CALN1: variants seen among roughly 807,000 people sequenced by gnomAD.
The protein encoded by CALN1 is calneuron 1, also known as calcium-binding protein 8.
In CALN1, 17 loss-of-function variants were observed where a neutral mutation model predicts 30.6. That is an observed-to-expected ratio of 0.56 (90% CI 0.38 to 0.83). The LOEUF (loss-of-function observed/expected upper bound fraction) is 0.83, where lower values mean the gene tolerates loss of function less well. Among genes scored for constraint, CALN1 ranks in the 40% least tolerant of loss-of-function variants. The pLI, the probability that CALN1 is intolerant of heterozygous loss-of-function variation, is 0.00. For missense variants in CALN1, 291 were observed against 354.9 expected (o/e 0.82, Z 1.45); for synonymous variants, 156 against 131.4 (o/e 1.19, Z -1.28).
At chr7:72,461,255 A>G in the CALN1 span, among the ~76,000 whole-genome samples, 3 of 152,160 alleles carry the variant, frequency 2.0e-5, no homozygotes, top group Non-Finnish European at 4.4e-5. Flanking sequence ...CAGCATGGAG[A>G]TTTCTCAAAG....
the CALN1 span, among the ~76,000 whole-genome samples, chr7:72,475,875 A>G: frequency 3.0e-3 from 452 of 149,058 alleles, 1 homozygote; most frequent in Middle Eastern, 0.01. Context: ...AATAAGTCTC[A>G]CGAGATCTGA....
At chr7:71,922,203 T>C (rs560473923) in intron 5 of CALN1, among the ~76,000 whole-genome samples, 1 of 152,292 alleles carries the variant, frequency 6.6e-6, no homozygotes, top group East Asian at 1.9e-4. Flanking sequence ...GATTCTCTTT[T>C]AATTACTTAT....
At chr7:72,112,527 A>C (rs1007577225) in intron 3 of CALN1, among the ~76,000 whole-genome samples, 3 of 152,214 alleles carry the variant, frequency 2.0e-5, no homozygotes, top group African/African-American at 7.2e-5. Context: ...CAGTTATTTA[A>C]AAGCTATGGA....
chr7:72,209,373 C>T (rs1218264352), intron 3 of CALN1, among the ~76,000 whole-genome samples: 2 of 51,690 alleles, frequency 3.9e-5, no homozygotes, highest in Non-Finnish European at 6.4e-5. Context: ...TCCTTCCCTC[C>T]TTCCCTCCTT....
intron 5 of CALN1, among the ~76,000 whole-genome samples, chr7:71,874,264 C>T (rs1170312344): frequency 7.3e-6 from 1 of 136,218 alleles, no homozygotes; most frequent in Non-Finnish European, 1.5e-5. Flanking sequence ...GACAGCGAGA[C>T]TCTGTCTCAA....
At chr7:72,137,109 G>A (rs1014992425) in intron 3 of CALN1, among the ~76,000 whole-genome samples, 1 of 152,178 alleles carries the variant, frequency 6.6e-6, no homozygotes, top group African/African-American at 2.4e-5. Context: ...TTTTGGAAAG[G>A]GGGGCTTGTC....
chr7:72,083,635 T>C (rs1203308668), intron 4 of CALN1, among the ~76,000 whole-genome samples: 2 of 151,824 alleles, frequency 1.3e-5, no homozygotes, highest in African/African-American at 4.8e-5. Context: ...AAAAAATACA[T>C]ATAGGCCAGG....
At chr7:72,243,097 GTGA>G (rs978802452) in intron 3 of CALN1, among the ~76,000 whole-genome samples, 6 of 152,158 alleles carry the variant, frequency 3.9e-5, no homozygotes, top group African/African-American at 7.2e-5. Flanking sequence ...AATTCCCAAT[GTGA>G]TGATATTTGG....
chr7:72,055,448 A>C (rs1397296880), intron 4 of CALN1, among the ~76,000 whole-genome samples: 1 of 152,240 alleles, frequency 6.6e-6, no homozygotes, highest in African/African-American at 2.4e-5. Flanking sequence ...AATTAGGGGA[A>C]AGGCAGAATT....
intron 5 of CALN1, among the ~76,000 whole-genome samples, chr7:71,976,649 G>A (rs932406179): frequency 1.3e-5 from 2 of 152,154 alleles, no homozygotes; most frequent in Admixed American, 6.5e-5. Context: ...AGTGACTCAC[G>A]CTGAAACTGT....
At chr7:72,091,452 A>G (rs578059997) in intron 4 of CALN1, among the ~76,000 whole-genome samples, 1 of 152,374 alleles carries the variant, frequency 6.6e-6, no homozygotes, top group East Asian at 1.9e-4. Context: ...GGATACCTCA[A>G]TCACCCTGAT....
At chr7:72,279,800 G>A (rs914234213) in intron 2 of CALN1, among the ~76,000 whole-genome samples, 2 of 152,196 alleles carry the variant, frequency 1.3e-5, no homozygotes, top group Admixed American at 6.5e-5. Context: ...TGAACAAGAC[G>A]CCGAATGCTT....
intron 3 of CALN1, among the ~76,000 whole-genome samples, chr7:72,259,288 C>T (rs908568426): frequency 1.3e-5 from 2 of 151,970 alleles, no homozygotes; most frequent in Non-Finnish European, 2.9e-5. Flanking sequence ...ACTCCAAAAT[C>T]TGTATATCTG....
intron 4 of CALN1, among the ~76,000 whole-genome samples, chr7:72,082,234 C>T (rs995519558): frequency 2.6e-5 from 4 of 152,208 alleles, no homozygotes; most frequent in Non-Finnish European, 4.4e-5. Context: ...GATCTGCCCA[C>T]CTCACCCTCC....
intron 2 of CALN1, among the ~76,000 whole-genome samples, chr7:72,291,385 G>A (rs1798469066): frequency 6.6e-6 from 1 of 152,188 alleles, no homozygotes; most frequent in African/African-American, 2.4e-5. Flanking sequence ...AACCCCAGCA[G>A]CCTTTGCAAC....
rs1445005727 is a variant in CALN1, at chr7:72,392,547, G to A, written c.119+10704C>T. Among the ~76,000 whole-genome samples the A allele has an allele frequency of 3.3e-5, 5 of 152,176 alleles. No homozygotes were observed. In the East Asian group the frequency reaches 9.6e-4, roughly 29 times the overall value. ...TCTCCAGTTCCCTTTGCACTGTGAT[G>A]AGTAGAAATGACTTGTACCCAGAGT... On this transcript the variant is annotated intron_variant, in intron 2 of 6. Coordinates refer to ENST00000395275, the MANE Select transcript of CALN1 (RefSeq NM_031468.4).
In CALN1 at chr7:72,038,344, G is replaced by A. The variant is rs183554878; in HGVS notation, c.389-14575C>T. 2.1e-3 allele frequency among the ~76,000 whole-genome samples: 316 copies of A among 151,302 alleles called. 4 individuals carry two copies. Among genetic ancestry groups the A allele is most frequent in the Non-Finnish European group, 9.3e-4 (63 of 67,876 alleles). ...CCATTACATCAGCATGGCAAAAACT[G>A]CAATTACTTTTGCACCAACCTAGTA... On this transcript the variant is annotated intron_variant, in intron 4 of 6. Transcript: ENST00000395275.
chr7:72,151,821 T>C (rs1787271207), intron 3 of CALN1, among the ~76,000 whole-genome samples: 1 of 152,094 alleles, frequency 6.6e-6, no homozygotes, highest in Non-Finnish European at 1.5e-5. Context: ...AAGAGATCCT[T>C]TGATCTCAGC....
At chr7:71,819,749 A>G (rs962749291) in intron 5 of CALN1, among the ~76,000 whole-genome samples, 17 of 152,034 alleles carry the variant, frequency 1.1e-4, no homozygotes, top group African/African-American at 4.1e-4. Flanking sequence ...GAATCATATG[A>G]TATTTGTCTT....
Sources: allele counts gnomAD v4.1 joint callset (sites outside exome capture counted in the v4.1 genomes callset), GRCh38; gene constraint gnomAD v4.1.1; transcripts MANE v1.5; gene names NCBI Gene and HGNC (gene_info 2026-07-23, HGNC 2026-07-21).